Variants in SZT2 observed in about 807,000 individuals in gnomAD.
SZT2 encodes the protein SZT2 subunit of KICSTOR complex.
In SZT2, 216 loss-of-function variants were observed where a neutral mutation model predicts 404.2. The observed-to-expected ratio is 0.53, with a 90% CI of 0.48 to 0.60. SZT2 has a LOEUF of 0.60. Among genes scored for constraint, SZT2 ranks in the 20% least tolerant of loss-of-function variants. The pLI, the probability that SZT2 is intolerant of heterozygous loss-of-function variation, is 0.00. For synonymous variants in SZT2, 1,693 were observed against 1,749.9 expected (o/e 0.97, Z 0.81); for missense variants, 3,857 against 4,459.2 (o/e 0.86, Z 3.85).
chr1:43,429,897 G>A (rs41307830), intron 29 of SZT2, 53 bp downstream of exon 29: 26,120 of 1,612,530 alleles, frequency 0.016, 229 homozygotes, highest in Non-Finnish European at 0.02. Context: ...CCTGTGCAGA[G>A]GGACAGGATT....
At chr1:43,435,461 A>G (rs1271850097) in intron 42 of SZT2, 132 bp downstream of exon 42, 3 of 1,028,616 alleles carry the variant, frequency 2.9e-6, no homozygotes, top group Non-Finnish European at 4.1e-6. Context: ...AGAGAGAGCA[A>G]GGAGGATAGG....
Position 43,432,590 on chromosome 1 carries a change from G to A in SZT2, c.5516G>A (p.Arg1839His), listed in dbSNP as rs760427137. 125 of 1,613,560 alleles carry A rather than the reference G, an allele frequency of 7.7e-5. No individual in the cohort carries two copies. The highest frequency in any genetic ancestry group is 2.0e-4 in the East Asian group (9 of 44,880). ...GGTGTCCCCCTCATCAGCCTGCCCCGCGTGCCACAGGGAGGTAAGAGAGGA... is the reference window on the plus strand; with the variant it reads ...GGTGTCCCCCTCATCAGCCTGCCCCACGTGCCACAGGGAGGTAAGAGAGGA... ...SEGVPLISLPRVPQGGSQPGP... is the reference protein window; with the variant it reads ...SEGVPLISLPHVPQGGSQPGP... The change falls in exon 38 of 72, where the codon CGC becomes CAC. Residue 1839 changes from arginine to histidine, a missense_variant. This residue lies in a region of SZT2 where 1,725 missense variants were observed against 1,881.0 expected (regional missense o/e 0.92). Transcript: ENST00000634258.
Position 43,426,931 on chromosome 1 carries a change from G to A in SZT2, c.3309+122G>A, listed in dbSNP as rs369744267. On this transcript the variant is annotated intron_variant, in intron 23 of 71. Coordinates refer to ENST00000634258, the MANE Select transcript of SZT2 (RefSeq NM_001365999.1). This position sits in a 1 kb window ranked among gnomAD's most constrained non-coding sequence, Gnocchi z 4.9. ...TGGCATCTGCCAATGACACAATGCCGTCATTTTCCATTGTCCTGGATCTTT... is the reference window on the plus strand; with the variant it reads ...TGGCATCTGCCAATGACACAATGCCATCATTTTCCATTGTCCTGGATCTTT... 50 of 1,555,800 alleles carry A rather than the reference G, an allele frequency of 3.2e-5. 2 individuals carry two copies. The highest frequency in any genetic ancestry group is 2.8e-4 in the African/African-American group (21 of 73,724).
chr1:43,416,721 C>A, intron 7 of SZT2, 80 bp downstream of exon 7: 2 of 1,101,814 alleles, frequency 1.8e-6, no homozygotes, highest in Non-Finnish European at 2.6e-6. Flanking sequence ...TTCTTACAGG[C>A]AGTGATTTCC....
intron 42 of SZT2, chr1:43,436,781 A>G (rs909328137): frequency 4.8e-6 from 1 of 209,912 alleles, no homozygotes; most frequent in Non-Finnish European, 9.6e-6. Context: ...ATAAGCAGCC[A>G]TACCCTTTTG....
In SZT2 at chr1:43,453,991, G is replaced by A. The variant is rs1207202956; in HGVS notation, c.*3511G>A. ...TACGGTTAGCGAGAGAGGGATCACG[G>A]GGAGAGGCGAAGGGGCGGAGCGAGG... On this transcript the variant is annotated 3_prime_UTR_variant, in exon 72 of 72. Transcript: ENST00000634258. 5 of 1,184,860 alleles carry A rather than the reference G, an allele frequency of 4.2e-6. No individual in the cohort carries two copies. Among genetic ancestry groups the A allele is most frequent in the East Asian group, 3.7e-5 (1 of 26,952 alleles). 73.4% of individuals were successfully genotyped at this position (1,184,860 alleles called of 1,614,324 possible).
intron 7 of SZT2, 70 bp from the exon 8 acceptor site, chr1:43,419,664 C>G (rs187284759): frequency 7.4e-7 from 1 of 1,348,284 alleles, no homozygotes; most frequent in African/African-American, 1.4e-5. Flanking sequence ...AGCCCAGTCT[C>G]TTTCTCTCCT....
rs748794983 is a variant in SZT2 at position 43,441,380 on chromosome 1, AGTAT to A, written c.7511+3_7511+6del. 1.9e-6 allele frequency: 3 copies of A among 1,613,928 alleles called. No individual in the cohort carries two copies. The highest frequency in any genetic ancestry group is 2.5e-6 in the Non-Finnish European group (3 of 1,179,968). On this transcript the variant is annotated splice_donor_variant and splice_donor_region_variant and intron_variant, in intron 53 of 71. Coordinates refer to ENST00000634258, the MANE Select transcript of SZT2 (RefSeq NM_001365999.1). LOFTEE classifies it high-confidence loss of function. The surrounding 1 kb of genome is among the most constrained non-coding windows in gnomAD (Gnocchi z 4.8). Reference sequence around the variant, plus strand: ...TCAGATTCTGGAGCCCAGAGACAAAAGTATGTGTGTGGTGGTGGTGTGCCCTGGG... The same window carrying A: ...TCAGATTCTGGAGCCCAGAGACAAAAGTGTGTGGTGGTGGTGTGCCCTGGG...
chr1:43,440,350 T>C, intron 51 of SZT2, 103 bp from the exon 52 acceptor site: 2 of 1,464,030 alleles, frequency 1.4e-6, no homozygotes, highest in Non-Finnish European at 1.8e-6. Flanking sequence ...CACTGACAGG[T>C]AGAATAGGTG....
intron 66 of SZT2, 30 bp downstream of exon 66, chr1:43,447,198 C>G (rs1557602843): frequency 3.2e-6 from 5 of 1,586,010 alleles, no homozygotes; most frequent in East Asian, 2.3e-5. Context: ...CCAGTGAACC[C>G]AAAAAAGAAC....
At chr1:43,444,585 T>C (rs1275792708) in intron 62 of SZT2, among the ~76,000 whole-genome samples, 1 of 152,114 alleles carries the variant, frequency 6.6e-6, no homozygotes, top group African/African-American at 2.4e-5. Context: ...TTGGTCATGT[T>C]CACCCACTGG....
intron 15 of SZT2, among the ~76,000 whole-genome samples, 159 bp downstream of exon 15, chr1:43,423,475 G>A (rs374248221): frequency 4.0e-5 from 6 of 150,892 alleles, no homozygotes; most frequent in South Asian, 4.2e-4. Flanking sequence ...GTGGCTTAGC[G>A]GGGTGAGGTG....
At position 43,426,479 on chromosome 1, in the gene SZT2, C is replaced by T. The variant is rs763683588; in HGVS notation, c.3155C>T (p.Thr1052Ile). Residue 1052 changes from threonine to isoleucine, a missense_variant, in exon 22 of 72, where the codon ACC (threonine) becomes ATC (isoleucine). This residue lies in a region of SZT2 where 1,725 missense variants were observed against 1,881.0 expected (regional missense o/e 0.92). Transcript: ENST00000634258. The surrounding 1 kb of genome is among the most constrained non-coding windows in gnomAD (Gnocchi z 4.9). ...QELSDREIPL[T>I]PVDQAAFLSE... is the part of the protein sequence containing the mutation. The stretch of plus-strand genomic sequence containing the variant: ...CTGAGTGACCGGGAGATCCCACTGA[C>T]CCCCGTTGACCAGGCTGCCTTCTTG... The T allele has an allele frequency of 1.9e-6, 3 of 1,596,654 alleles. No homozygotes were observed. The highest frequency in any genetic ancestry group is 2.5e-6 in the Non-Finnish European group (3 of 1,179,112).
chr1:43,443,610 C>T lies in SZT2; in HGVS notation c.8639C>T (p.Pro2880Leu). Residue 2880 changes from proline (P) to leucine (L), a missense_variant, in exon 62 of 72, where the codon CCT becomes CTT. This residue lies in a region of SZT2 where 717 missense variants were observed against 868.2 expected (regional missense o/e 0.83). Transcript: ENST00000634258. The part of the protein sequence containing the change: ...GPPDGQRRHR[P>L]ESGSGSREAP... ...TTACTCTCATAGCGGCGCCATCGCC[C>T]TGAGTCAGGGTCTGGGAGCCGAGAG... 1.2e-6 allele frequency: 2 copies of T among 1,614,186 alleles called. No individual in the cohort carries two copies. Among genetic ancestry groups the T allele is most frequent in the Non-Finnish European group, 8.5e-7 (1 of 1,180,038 alleles).
chr1:43,453,413 C>G lies in SZT2; in HGVS notation c.*2933C>G, dbSNP rs762498837. The G allele has an allele frequency of 1.3e-6, 2 of 1,557,946 alleles. No homozygotes were observed. Among genetic ancestry groups the G allele is most frequent in the East Asian group, 2.4e-5 (1 of 41,442 alleles). ...GGGACAGCCCAGGGCTTTGGCATAC[C>G]GCACGGCCTGCTCCAGTCCCTCTCG... On this transcript the variant is annotated 3_prime_UTR_variant, in exon 72 of 72. Transcript: ENST00000634258.
At chr1:43,433,381 A>T (rs533996623) in intron 40 of SZT2, among the ~76,000 whole-genome samples, 191 bp downstream of exon 40, 4 of 152,112 alleles carry the variant, frequency 2.6e-5, no homozygotes, top group African/African-American at 9.7e-5. Flanking sequence ...ATCACATTCA[A>T]CTGTCTTATA....
rs397515489 is a variant in SZT2 at position 43,403,222 on chromosome 1, C to T, written c.73C>T (p.Arg25Ter). Reference sequence around the variant, plus strand: ...GTTCCTGTTAATGAAAAAGGATTATCGAATCTCCCGAAATGTTCGCCTGGC... The same window carrying T: ...GTTCCTGTTAATGAAAAAGGATTATTGAATCTCCCGAAATGTTCGCCTGGC... ...QVFLLMKKDY[R>*]ISRNVRLAWF... Residue 25 changes from arginine to a stop codon, truncating the protein, a stop_gained, in exon 2 of 72, where the codon CGA becomes TGA. Coordinates refer to ENST00000634258, the MANE Select transcript of SZT2 (RefSeq NM_001365999.1). LOFTEE classifies it high-confidence loss of function. The T allele has an allele frequency of 1.2e-6, 2 of 1,614,144 alleles. No homozygotes were observed. Among genetic ancestry groups the T allele is most frequent in the Non-Finnish European group, 8.5e-7 (1 of 1,180,014 alleles).
At chr1:43,412,400 AT>A (rs1651167553) in intron 4 of SZT2, 1 of 152,158 alleles carries the variant, frequency 6.6e-6, no homozygotes, top group Non-Finnish European at 1.5e-5. Flanking sequence ...GGCTTAAGTG[AT>A]TCTCCTGCCT....
rs780772348 is a variant in SZT2, at chr1:43,450,969, T to TG, written c.*490dup. On this transcript the variant is annotated 3_prime_UTR_variant, in exon 72 of 72. Coordinates refer to ENST00000634258, the MANE Select transcript of SZT2 (RefSeq NM_001365999.1). This position sits in a 1 kb window ranked among gnomAD's most constrained non-coding sequence, Gnocchi z 4.3. ...ATCCCAGCTCTGCCTTTGAAGCACTTGTGGCCACCGTCAAGTCCCTTTGCT... is the reference window on the plus strand; with the variant it reads ...ATCCCAGCTCTGCCTTTGAAGCACTTGGTGGCCACCGTCAAGTCCCTTTGCT... 5.2e-6 allele frequency: 4 copies of TG among 762,546 alleles called. No homozygotes were observed. Among genetic ancestry groups the TG allele is most frequent in the Non-Finnish European group, 7.2e-6 (3 of 416,844 alleles). 47.2% of individuals were successfully genotyped at this position (762,546 alleles called of 1,614,324 possible).
Sources: allele counts gnomAD v4.1 joint callset (sites outside exome capture counted in the v4.1 genomes callset), GRCh38; gene constraint gnomAD v4.1.1; regional missense constraint gnomAD v4.1.1; non-coding constraint Gnocchi (gnomAD v3.1); transcripts MANE v1.5; gene names NCBI Gene and HGNC (gene_info 2026-07-23, HGNC 2026-07-21).